The following CNTNAP2 variants were observed in gnomAD, a reference collection of about 807,000 sequenced individuals.
The protein encoded by CNTNAP2 is contactin associated protein 2.
In CNTNAP2, 98 loss-of-function variants were observed where a neutral mutation model predicts 155.2. That is an observed-to-expected ratio of 0.63 (90% confidence interval 0.54 to 0.75). The LOEUF (loss-of-function observed/expected upper bound fraction) is 0.75, where lower values mean the gene tolerates loss of function less well. Ranked by LOEUF, CNTNAP2 falls within the 30% of genes least tolerant of loss-of-function variation. The probability of loss-of-function intolerance (pLI) is 0.00; values close to 1 mark genes in which losing one functional copy is unlikely to be tolerated. For missense variants in CNTNAP2, 1,727 were observed against 1,688.1 expected (o/e 1.02, Z -0.40); for synonymous variants, 651 against 631.2 (o/e 1.03, Z -0.47).
At chr7:146,635,675 G>A (rs536244276) in intron 1 of CNTNAP2, among the ~76,000 whole-genome samples, 2 of 152,252 alleles carry the variant, frequency 1.3e-5, no homozygotes, top group Admixed American at 6.5e-5. Context: ...AGCAAAGCCC[G>A]TATGCTCCAG....
At chr7:147,581,084 A>G (rs183801037) in intron 12 of CNTNAP2, among the ~76,000 whole-genome samples, 296 of 152,290 alleles carry the variant, frequency 1.9e-3, no homozygotes, top group Non-Finnish European at 3.1e-3. Flanking sequence ...ATTCGCTTTT[A>G]TATGTGAGGC....
At chr7:146,938,263 T>C (rs923709124) in intron 3 of CNTNAP2, among the ~76,000 whole-genome samples, 22 of 152,006 alleles carry the variant, frequency 1.4e-4, no homozygotes, top group African/African-American at 5.3e-4. Context: ...CCCCTTGGCG[T>C]AATAAATTAA....
At chr7:148,024,095 A>G (rs73468112) in intron 15 of CNTNAP2, among the ~76,000 whole-genome samples, 3,048 of 151,046 alleles carry the variant, frequency 0.02, 123 homozygotes, top group African/African-American at 0.07. Flanking sequence ...TACAATTTAC[A>G]AATAGTCTAC....
rs199690006 is a variant in CNTNAP2, at chr7:147,737,656, T to C, written c.2098+98350T>C. Among the ~76,000 whole-genome samples, 4 of 152,218 alleles carry C rather than the reference T, an allele frequency of 2.6e-5. No homozygotes were observed. In the East Asian group the frequency reaches 5.8e-4, roughly 22 times the overall value. Reference sequence around the variant, plus strand: ...GCAGGCAGGCCTTCTTGAGCTGCAGTGGGCTCCACCCAGTTTGAGTTTCCC... The same window carrying C: ...GCAGGCAGGCCTTCTTGAGCTGCAGCGGGCTCCACCCAGTTTGAGTTTCCC... On this transcript the variant is annotated intron_variant, in intron 13 of 23. Transcript: ENST00000361727.
chr7:147,850,513 A>C (rs148600689), intron 13 of CNTNAP2, among the ~76,000 whole-genome samples: 5,568 of 152,296 alleles, frequency 0.037, 172 homozygotes, highest in Middle Eastern at 0.061. Flanking sequence ...CTGACTTCAA[A>C]CCATACTACA....
At chr7:148,407,817 C>T (rs4725782) in intron 22 of CNTNAP2, among the ~76,000 whole-genome samples, 86,041 of 151,846 alleles carry the variant, frequency 0.57, 24,996 homozygotes, top group African/African-American at 0.64. Flanking sequence ...CCTTGAATAC[C>T]CAAGAGTTAA....
chr7:146,463,032 G>T (rs73462762), intron 1 of CNTNAP2, among the ~76,000 whole-genome samples: 4,146 of 152,152 alleles, frequency 0.027, 137 homozygotes, highest in African/African-American at 0.073. Context: ...ACTCCAGTTC[G>T]TCATGGGAGC....
At chr7:147,447,898 T>A (rs1032838305) in intron 10 of CNTNAP2, among the ~76,000 whole-genome samples, 5 of 152,116 alleles carry the variant, frequency 3.3e-5, no homozygotes, top group African/African-American at 1.2e-4. Flanking sequence ...AATTCAAGTT[T>A]CATTACAAAA....
rs541543871 is a variant in CNTNAP2 at position 147,808,191 on chromosome 7, T to C, written c.2099-95374T>C. Reference sequence around the variant, plus strand: ...TGGCCTCTTTCTGTAGGATACTGGATGATATTCTGTACCTCTTTGCAATTT... The same window carrying C: ...TGGCCTCTTTCTGTAGGATACTGGACGATATTCTGTACCTCTTTGCAATTT... On this transcript the variant is annotated intron_variant, in intron 13 of 23. Transcript: ENST00000361727. Among the ~76,000 whole-genome samples, 190 of 152,260 alleles carry C rather than the reference T, an allele frequency of 1.2e-3. 3 individuals carry two copies. The highest frequency in any genetic ancestry group is 4.3e-3 in the African/African-American group (179 of 41,532).
chr7:146,749,355 A>G (rs1202415263), intron 1 of CNTNAP2, among the ~76,000 whole-genome samples: 1 of 152,332 alleles, frequency 6.6e-6, no homozygotes, highest in Non-Finnish European at 1.5e-5. Context: ...ACAAATTGCC[A>G]AAGATTACAT....
intron 13 of CNTNAP2, among the ~76,000 whole-genome samples, chr7:147,655,805 C>T (rs1795517971): frequency 6.6e-6 from 1 of 152,194 alleles, no homozygotes; most frequent in African/African-American, 2.4e-5. Flanking sequence ...GCATTAGCCC[C>T]TAATAAGGGG....
intron 14 of CNTNAP2, among the ~76,000 whole-genome samples, chr7:147,940,937 A>T (rs954664958): frequency 3.3e-5 from 5 of 152,272 alleles, no homozygotes; most frequent in Middle Eastern, 3.2e-3. Context: ...AGCAACTAGT[A>T]TAAAAAGAGA....
At position 148,094,023 on chromosome 7, in the gene CNTNAP2, G is replaced by T. The variant is rs529621819; in HGVS notation, c.2384-24095G>T. ...TCTGCCTGCCTTGGCCTCCCAAAGT[G>T]CTGGGATTGCAGGTGTAAGCCACCA... On this transcript the variant is annotated intron_variant, in intron 15 of 23. Coordinates refer to ENST00000361727, the MANE Select transcript of CNTNAP2 (RefSeq NM_014141.6). Among the ~76,000 whole-genome samples, 7 of 152,280 alleles carry T rather than the reference G, an allele frequency of 4.6e-5. No individual in the cohort carries two copies. The East Asian group carries it at 1.4e-3, about 29-fold the overall frequency.
At chr7:148,101,373 G>T (rs1455696930) in intron 15 of CNTNAP2, among the ~76,000 whole-genome samples, 2 of 151,770 alleles carry the variant, frequency 1.3e-5, no homozygotes, top group Non-Finnish European at 2.9e-5. Flanking sequence ...GTGTGTGTGT[G>T]TGTGTGTGTG....
At chr7:147,239,460 A>T (rs1803891033) in intron 8 of CNTNAP2, among the ~76,000 whole-genome samples, 1 of 149,426 alleles carries the variant, frequency 6.7e-6, no homozygotes. Context: ...CAGTGAGCTG[A>T]GATTGCGCCA....
At chr7:147,771,173 T>C (rs1256212624) in intron 13 of CNTNAP2, among the ~76,000 whole-genome samples, 1 of 152,220 alleles carries the variant, frequency 6.6e-6, no homozygotes, top group African/African-American at 2.4e-5. Context: ...ATTGGCCTGT[T>C]GCATCACACC....
At chr7:147,290,666 G>C (rs1805284566) in intron 8 of CNTNAP2, among the ~76,000 whole-genome samples, 1 of 127,888 alleles carries the variant, frequency 7.8e-6, no homozygotes, top group Non-Finnish European at 1.6e-5. Context: ...CTCAGTGACA[G>C]AGTGAGACTC....
intron 1 of CNTNAP2, among the ~76,000 whole-genome samples, chr7:146,336,435 C>T (rs1801276159): frequency 6.6e-6 from 1 of 151,738 alleles, no homozygotes; most frequent in Non-Finnish European, 1.5e-5. Context: ...AAATGGAAAA[C>T]ATAAAACTAC....
chr7:147,616,320 C>A (rs1801292681), intron 12 of CNTNAP2, among the ~76,000 whole-genome samples: 1 of 152,160 alleles, frequency 6.6e-6, no homozygotes, highest in South Asian at 2.1e-4. Flanking sequence ...ACATGAGCCA[C>A]AATTACAACT....
Sources: gnomAD v4.1 joint callset for allele counts (sites outside exome capture counted in the v4.1 genomes callset) on GRCh38, gnomAD v4.1.1 for gene constraint, MANE v1.5 for transcripts, NCBI Gene and HGNC (gene_info 2026-07-23, HGNC 2026-07-21) for gene names.